Variants in YTHDC1 observed in about 807,000 individuals in gnomAD.
YTHDC1 encodes the protein YTH domain-containing protein 1.
A neutral mutation model predicts 107.0 loss-of-function variants in YTHDC1; 12 were observed. The ratio of observed to expected loss-of-function variants is 0.11; its 90% confidence interval spans 0.07 to 0.18. The LOEUF (loss-of-function observed/expected upper bound fraction) is 0.18. Among genes scored for constraint, YTHDC1 ranks in the 10% least tolerant of loss-of-function variants. YTHDC1 has a pLI of 1.00. For synonymous variants in YTHDC1, 280 were observed against 289.5 expected, an observed-to-expected ratio of 0.97 and a Z score of 0.33; for missense variants, 635 against 898.8, an observed-to-expected ratio of 0.71 and a Z score of 3.75.
chr4:68,327,376 T>C (rs1292299621), intron 9 of YTHDC1, among the ~76,000 whole-genome samples: 2 of 152,032 alleles, frequency 1.3e-5, no homozygotes, highest in Non-Finnish European at 2.9e-5. Flanking sequence ...TGCCTTATTT[T>C]GAGCTAATTA....
rs1722733934 is a variant in YTHDC1 at position 68,324,205 on chromosome 4, A to G, written c.1368T>C (p.Thr456=). The change falls in exon 10 of 17, where the codon ACT becomes ACC. Residue 456 remains threonine (T), a synonymous_variant. Transcript: ENST00000344157. ...AAGGATTGGTGAGATGAGCCGACTT[A>G]GTGAAGGGTAATTCACGCCTAAATA... ...DWICRRELPF[T]KSAHLTNPWN... 3 of 1,613,780 alleles carry G rather than the reference A, an allele frequency of 1.9e-6. No individual in the cohort carries two copies. The highest frequency in any genetic ancestry group is 2.5e-6 in the Non-Finnish European group (3 of 1,179,798).
chr4:68,342,200 T>C (rs1172942719), intron 1 of YTHDC1, among the ~76,000 whole-genome samples: 2 of 152,160 alleles, frequency 1.3e-5, no homozygotes, highest in Non-Finnish European at 2.9e-5. Context: ...GGGTCTCCCA[T>C]GTGGCTGCAG....
intron 16 of YTHDC1, 200 bp downstream of exon 16, chr4:68,316,114 G>C (rs1721828642): frequency 1.9e-6 from 1 of 523,986 alleles, no homozygotes; most frequent in South Asian, 5.0e-5. Flanking sequence ...GATTTGATCA[G>C]TAAAAGAAAT....
rs1310423314 is a variant in YTHDC1, at chr4:68,338,160, T to C, written c.130+123A>G. ...TATTCATATGGATACCAGTTTATTA[T>C]GTACATTTAGTGTTAACTGCCTCAA... On this transcript the variant is annotated intron_variant, in intron 2 of 16. Coordinates refer to ENST00000344157, the MANE Select transcript of YTHDC1 (RefSeq NM_001031732.4). 8 of 1,299,380 alleles carry C rather than the reference T, an allele frequency of 6.2e-6. No individual in the cohort carries two copies. The Middle Eastern group carries it at 7.9e-4, about 128-fold the overall frequency. 80.5% of individuals were successfully genotyped at this position (1,299,380 alleles called of 1,614,324 possible).
At chr4:68,340,272 C>T (rs1310203892) in intron 1 of YTHDC1, among the ~76,000 whole-genome samples, 2 of 151,994 alleles carry the variant, frequency 1.3e-5, no homozygotes, top group Non-Finnish European at 2.9e-5. Context: ...TTTTCCTTTA[C>T]ATTTGGAAAC....
chr4:68,325,118 TTACAA>T (rs1244295930), intron 9 of YTHDC1, among the ~76,000 whole-genome samples: 1 of 152,176 alleles, frequency 6.6e-6, no homozygotes, highest in African/African-American at 2.4e-5. Flanking sequence ...TTCACTGTAC[TTACAA>T]TACAAATGAA....
At chr4:68,344,787 G>GC (rs1725236212) in intron 1 of YTHDC1, among the ~76,000 whole-genome samples, 1 of 152,212 alleles carries the variant, frequency 6.6e-6, no homozygotes, top group Non-Finnish European at 1.5e-5. Context: ...TGTAATCCCA[G>GC]CATTTTGGGA....
chr4:68,337,220 C>A lies in YTHDC1; in HGVS notation c.690G>T (p.Glu230Asp). 1 of 1,596,264 alleles carries A rather than the reference C, an allele frequency of 6.3e-7. No individual in the cohort carries two copies. The highest frequency in any genetic ancestry group is 1.3e-5 in the African/African-American group (1 of 74,540). The change falls in exon 4 of 17, where the codon GAG becomes GAT. Residue 230 changes from glutamate to aspartate, a missense_variant. This residue lies in a region of YTHDC1 where 294 missense variants were observed against 312.3 expected (regional missense o/e 0.94). Transcript: ENST00000344157. ...CCTCCTCCTCCTCTTCCTCCTCCTC[C>A]TCTCCATCTTCATCCACCTCTTCAT... ...EEDEEVDEDG[E>D]EEEEEEEEEE...
At chr4:68,342,743 T>C (rs1724985279) in intron 1 of YTHDC1, among the ~76,000 whole-genome samples, 2 of 152,212 alleles carry the variant, frequency 1.3e-5, no homozygotes, top group African/African-American at 4.8e-5. Flanking sequence ...AATTCATTTT[T>C]TTAACGTAGA....
intron 15 of YTHDC1, 48 bp from the exon 16 acceptor site, chr4:68,316,496 A>G (rs1721874076): frequency 6.3e-7 from 1 of 1,583,232 alleles, no homozygotes; most frequent in Admixed American, 1.8e-5. Context: ...ACACCCTTGT[A>G]AACAAGCGAT....
At chr4:68,331,076 C>A (rs529553720) in intron 7 of YTHDC1, among the ~76,000 whole-genome samples, 1 of 152,108 alleles carries the variant, frequency 6.6e-6, no homozygotes. Flanking sequence ...TATAAAATGG[C>A]ACAGTATTTG....
At chr4:68,318,116 G>A (rs760819962) in intron 15 of YTHDC1, among the ~76,000 whole-genome samples, 21 of 152,130 alleles carry the variant, frequency 1.4e-4, no homozygotes, top group Admixed American at 2.6e-4. Flanking sequence ...AAGTCTTTTT[G>A]AGATGGAGTC....
chr4:68,323,025 C>CTGA, intron 10 of YTHDC1, 110 bp from the exon 11 acceptor site: 1 of 1,051,098 alleles, frequency 9.5e-7, no homozygotes, highest in Non-Finnish European at 1.4e-6. Flanking sequence ...CTTCCCAAGG[C>CTGA]TGATGATCAT....
intron 9 of YTHDC1, among the ~76,000 whole-genome samples, chr4:68,329,747 T>C (rs953147567): frequency 2.6e-5 from 4 of 152,204 alleles, no homozygotes; most frequent in African/African-American, 9.7e-5. Context: ...GTTAAATCAC[T>C]AAAATTATAC....
At chr4:68,318,450 G>T in intron 15 of YTHDC1, 69 bp downstream of exon 15, 2 of 1,419,148 alleles carry the variant, frequency 1.4e-6, no homozygotes, top group South Asian at 2.6e-5. Context: ...ATCATATTCC[G>T]AGTAAGCACC....
intron 11 of YTHDC1, among the ~76,000 whole-genome samples, chr4:68,321,474 A>G (rs1722440509): frequency 6.6e-6 from 1 of 152,192 alleles, no homozygotes; most frequent in Non-Finnish European, 1.5e-5. Flanking sequence ...TAAGCCACAT[A>G]CATAAATGGA....
chr4:68,348,389 T>G (rs1429184487), intron 1 of YTHDC1, among the ~76,000 whole-genome samples: 1 of 151,804 alleles, frequency 6.6e-6, no homozygotes, highest in Non-Finnish European at 1.5e-5. Flanking sequence ...TCATGTATTT[T>G]AATAACTGAG....
chr4:68,328,962 T>C (rs944354087), intron 9 of YTHDC1, among the ~76,000 whole-genome samples: 3 of 152,206 alleles, frequency 2.0e-5, no homozygotes, highest in Admixed American at 6.5e-5. Flanking sequence ...TAGTAAAATA[T>C]GGTATTATAG....
intron 15 of YTHDC1, 28 bp from the exon 16 acceptor site, chr4:68,316,476 G>C (rs951166133): frequency 1.9e-6 from 3 of 1,605,896 alleles, no homozygotes; most frequent in Non-Finnish European, 2.6e-6. Context: ...TTTACATTAA[G>C]AATCTACCAA....
Sources: gnomAD v4.1 joint callset for allele counts (sites outside exome capture counted in the v4.1 genomes callset) on GRCh38, gnomAD v4.1.1 for gene constraint, gnomAD v4.1.1 regional missense constraint, MANE v1.5 for transcripts, NCBI Gene and HGNC (gene_info 2026-07-23, HGNC 2026-07-21) for gene names.